GPC5: variants seen among roughly 807,000 people sequenced by gnomAD.
GPC5 encodes the protein glypican-5.
Under a neutral mutation model 53.9 loss-of-function variants are expected in GPC5, and 47 were observed. That is an observed-to-expected ratio of 0.87 (90% CI 0.69 to 1.11). GPC5 has a LOEUF of 1.11. Among genes scored for constraint, GPC5 ranks in the 50% most tolerant of loss-of-function variants. The pLI is 0.00. For synonymous variants in GPC5, 286 were observed against 263.3 expected (o/e 1.09, Z -0.84); for missense variants, 748 against 713.1 (o/e 1.05, Z -0.56).
rs1014293235 is a variant in GPC5 at position 91,824,431 on chromosome 13, C to A, written c.1280+68011C>A. Among the ~76,000 whole-genome samples, 7 of 152,124 alleles carry A rather than the reference C, an allele frequency of 4.6e-5. No homozygotes were observed. The South Asian group carries it at 1.2e-3, about 27-fold the overall frequency. On this transcript the variant is annotated intron_variant, in intron 5 of 7. Transcript: ENST00000377067. ...GAAAAGTTTTAAATGGCTCAGTATT[C>A]ATTGTAGATTCATGGCAATCCAGTT... is the stretch of plus-strand genomic sequence containing the variant.
chr13:92,285,134 T>C (rs902056037), intron 7 of GPC5, among the ~76,000 whole-genome samples: 5 of 152,074 alleles, frequency 3.3e-5, no homozygotes, highest in Non-Finnish European at 7.4e-5. Flanking sequence ...TGAACTCCCA[T>C]TCACAATTGC....
At chr13:91,525,917 G>A (rs764366618) in intron 2 of GPC5, among the ~76,000 whole-genome samples, 15 of 152,148 alleles carry the variant, frequency 9.9e-5, no homozygotes, top group Non-Finnish European at 1.9e-4. Flanking sequence ...ATCAGAAGTG[G>A]AACACTGAAC....
intron 7 of GPC5, among the ~76,000 whole-genome samples, chr13:92,844,235 T>A (rs1375914914): frequency 2.0e-5 from 3 of 152,080 alleles, no homozygotes; most frequent in Admixed American, 1.3e-4. Context: ...TAGAAAGGTG[T>A]TGTTTAGCTT....
chr13:91,579,357 A>G (rs2032261102), intron 2 of GPC5, among the ~76,000 whole-genome samples: 1 of 152,024 alleles, frequency 6.6e-6, no homozygotes, highest in Non-Finnish European at 1.5e-5. Context: ...ATTCTTTCGG[A>G]CCATAACTTT....
chr13:92,351,727 A>C (rs551786224), intron 7 of GPC5, among the ~76,000 whole-genome samples: 5 of 152,248 alleles, frequency 3.3e-5, no homozygotes, highest in South Asian at 4.1e-4. Flanking sequence ...GCAAACTAGA[A>C]AGTTTAATTA....
intron 7 of GPC5, among the ~76,000 whole-genome samples, chr13:92,317,380 T>C (rs563440836): frequency 1.8e-4 from 28 of 152,206 alleles, no homozygotes; most frequent in Non-Finnish European, 2.8e-4. Flanking sequence ...TATTCAAAGC[T>C]TTCTGGGAGT....
At chr13:91,467,180 A>G (rs952080549) in intron 2 of GPC5, among the ~76,000 whole-genome samples, 1 of 152,222 alleles carries the variant, frequency 6.6e-6, no homozygotes, top group Non-Finnish European at 1.5e-5. Context: ...GTGCTTTGCT[A>G]TGATGGAGTT....
Position 91,693,669 on chromosome 13 carries a change from T to C in GPC5, c.808T>C (p.Cys270Arg). 6.2e-7 allele frequency: 1 copy of C among 1,614,130 alleles called. No homozygotes were observed. The highest frequency in any genetic ancestry group is 2.2e-5 in the East Asian group (1 of 44,862). The change falls in exon 3 of 8, where the codon TGT becomes CGT. Residue 270 changes from cysteine (C) to arginine (R), a missense_variant. Physicochemically the swap from Cys to Arg is radical, Grantham distance 180 (BLOSUM62 -3). Transcript: ENST00000377067. ...HCQGLALTKP[C>R]MGYCLNVMRG... Reference sequence around the variant, plus strand: ...CCAAGGCCTGGCGCTCACTAAGCCTTGTATGGGATACTGCCTCAATGTCAT... The same window carrying C: ...CCAAGGCCTGGCGCTCACTAAGCCTCGTATGGGATACTGCCTCAATGTCAT...
At chr13:92,549,147 T>C (rs1566288293) in intron 7 of GPC5, among the ~76,000 whole-genome samples, 1 of 152,080 alleles carries the variant, frequency 6.6e-6, no homozygotes, top group Non-Finnish European at 1.5e-5. Context: ...GGGACCTCTT[T>C]AAGTTGTGAG....
intron 7 of GPC5, among the ~76,000 whole-genome samples, chr13:92,186,653 A>C (rs573885441): frequency 2.0e-5 from 3 of 152,282 alleles, no homozygotes; most frequent in African/African-American, 7.2e-5. Context: ...TTGAATTAGA[A>C]TACTGGATTT....
chr13:91,836,337 G>A (rs1296582698), intron 5 of GPC5, among the ~76,000 whole-genome samples: 1 of 151,830 alleles, frequency 6.6e-6, no homozygotes, highest in Non-Finnish European at 1.5e-5. Flanking sequence ...TTAAATTTAT[G>A]AACACTTTCT....
At chr13:92,360,264 A>G (rs1034616545) in intron 7 of GPC5, among the ~76,000 whole-genome samples, 1 of 151,726 alleles carries the variant, frequency 6.6e-6, no homozygotes, top group Non-Finnish European at 1.5e-5. Flanking sequence ...GCACATCAAA[A>G]AATCGAATCC....
chr13:92,243,659 G>C (rs1398253547), intron 7 of GPC5, among the ~76,000 whole-genome samples: 1 of 151,222 alleles, frequency 6.6e-6, no homozygotes. Context: ...GGTGTGATAG[G>C]AAATTAAGAT....
At chr13:91,788,182 T>C (rs2037907667) in intron 5 of GPC5, among the ~76,000 whole-genome samples, 1 of 152,232 alleles carries the variant, frequency 6.6e-6, no homozygotes, top group Admixed American at 6.5e-5. Flanking sequence ...GGTGCTGACA[T>C]GTTTAGTATG....
chr13:92,361,070 G>C (rs2043562201), intron 7 of GPC5, among the ~76,000 whole-genome samples: 1 of 151,710 alleles, frequency 6.6e-6, no homozygotes, highest in Non-Finnish European at 1.5e-5. Context: ...GCAGATGGCT[G>C]CCATATGGAA....
At chr13:91,464,204 G>C (rs761602127) in intron 2 of GPC5, among the ~76,000 whole-genome samples, 1 of 152,020 alleles carries the variant, frequency 6.6e-6, no homozygotes, top group South Asian at 2.1e-4. Flanking sequence ...ATCAAGTATG[G>C]TGAAAATGAA....
intron 7 of GPC5, among the ~76,000 whole-genome samples, chr13:92,280,896 G>C (rs915203869): frequency 6.6e-6 from 1 of 152,128 alleles, no homozygotes; most frequent in Non-Finnish European, 1.5e-5. Context: ...GTCGGACAGT[G>C]GGGGCAGGAC....
chr13:91,448,179 G>C (rs372148860), intron 1 of GPC5, among the ~76,000 whole-genome samples: 1 of 152,156 alleles, frequency 6.6e-6, no homozygotes, highest in African/African-American at 2.4e-5. Flanking sequence ...ATTGTCTCTC[G>C]CCAGCTATAT....
chr13:92,420,707 G>T (rs1317928962), intron 7 of GPC5, among the ~76,000 whole-genome samples: 1 of 151,906 alleles, frequency 6.6e-6, no homozygotes, highest in Non-Finnish European at 1.5e-5. Flanking sequence ...CAATTATTTT[G>T]ATTTTTAGAT....
Sources: allele counts gnomAD v4.1 joint callset (sites outside exome capture counted in the v4.1 genomes callset), GRCh38; gene constraint gnomAD v4.1.1; transcripts MANE v1.5; gene names NCBI Gene and HGNC (gene_info 2026-07-23, HGNC 2026-07-21).